RPL14: variants seen among roughly 807,000 people sequenced by gnomAD.
The protein encoded by RPL14 is large ribosomal subunit protein eL14.
A neutral mutation model predicts 25.3 loss-of-function variants in RPL14; 4 were observed. The ratio of observed to expected loss-of-function variants is 0.16; its 90% CI spans 0.08 to 0.36. The LOEUF (loss-of-function observed/expected upper bound fraction) is 0.36. Among genes scored for constraint, RPL14 ranks in the 10% least tolerant of loss-of-function variants. RPL14 has a pLI of 1.00. For synonymous variants in RPL14, 75 were observed against 89.8 expected, an observed-to-expected ratio of 0.84 and a Z score of 0.93; for missense variants, 212 against 261.9, an observed-to-expected ratio of 0.81 and a Z score of 1.31.
chr3:40,463,313 TCTC>T lies in RPL14; in HGVS notation c.*1084_*1086del, dbSNP rs1272072946. ...CCTCTGCCTCCTGGGCTCAAGCGGT[TCTC>T]CTGCTCAGCCTTCTGAGTAGTTGGG... On this transcript the variant is annotated 3_prime_UTR_variant, in exon 6 of 6. Transcript: ENST00000396203. The T allele has an allele frequency of 6.6e-6, 1 of 152,404 alleles. No individual in the cohort carries two copies. Among genetic ancestry groups the T allele is most frequent in the African/African-American group, 2.4e-5 (1 of 41,446 alleles). 9.4% of individuals were successfully genotyped at this position (152,404 alleles called of 1,614,324 possible). A position where few individuals can be genotyped will look rare whatever the true frequency, so the allele number is the denominator to read the frequency against.
rs1233108307 is a variant in RPL14, at chr3:40,462,416, G to C, written c.*184G>C. ...TTTTGAGATGGAGTCTCGTTCTGTT[G>C]CTCAGGCCGGACTGCAGTGGCGCTA... On this transcript the variant is annotated 3_prime_UTR_variant, in exon 6 of 6. Transcript: ENST00000396203. 3 of 589,516 alleles carry C rather than the reference G, an allele frequency of 5.1e-6. No individual in the cohort carries two copies. The South Asian group carries it at 7.6e-5, about 15-fold the overall frequency. The allele number at this position is 589,516 out of a possible 1,614,324, so 36.5% of individuals were successfully genotyped here. A position where few individuals can be genotyped will look rare whatever the true frequency, so the allele number is the denominator to read the frequency against.
Position 40,465,375 on chromosome 3 carries a change from TAGG to T in RPL14, c.*3146_*3148del, listed in dbSNP as rs1296751019. On this transcript the variant is annotated 3_prime_UTR_variant, in exon 6 of 6. Transcript: ENST00000396203. ...CAAATGCTTCTGGGAAAGGAGCTAA[TAGG>T]AGAGAAACTTAGCCCTTCGAAAAAC... 6 of 152,088 alleles carry T rather than the reference TAGG, an allele frequency of 3.9e-5. No individual in the cohort carries two copies. Among genetic ancestry groups the T allele is most frequent in the South Asian group, 4.1e-4 (2 of 4,824 alleles). The allele number at this position is 152,088 out of a possible 1,614,324, so 9.4% of individuals were successfully genotyped here.
chr3:40,457,970 A>G lies in RPL14; in HGVS notation c.84A>G (p.Val28=), dbSNP rs1696870430. 2 of 1,614,122 alleles carry G rather than the reference A, an allele frequency of 1.2e-6. No homozygotes were observed. Among genetic ancestry groups the G allele is most frequent in the African/African-American group, 2.7e-5 (2 of 75,038 alleles). The part of the protein sequence containing the change: ...GPHAGKLVAI[V]DVIDQNRALV... The stretch of plus-strand genomic sequence containing the variant: ...ATGCCGGAAAATTGGTCGCGATTGT[A>G]GATGTTATTGATCAGAACAGGGTAA... The change falls in exon 2 of 6, where the codon GTA becomes GTG. Residue 28 remains valine (V), a synonymous_variant. Coordinates refer to ENST00000396203, the MANE Select transcript of RPL14 (RefSeq NM_001034996.3).
In RPL14 at chr3:40,464,366, T is replaced by C. The variant is rs1260921388; in HGVS notation, c.*2134T>C. 4 of 428,094 alleles carry C rather than the reference T, an allele frequency of 9.3e-6. No individual in the cohort carries two copies. Among genetic ancestry groups the C allele is most frequent in the African/African-American group, 2.0e-5 (1 of 49,412 alleles). The allele number at this position is 428,094 out of a possible 1,614,324, so 26.5% of individuals were successfully genotyped here. ...TTTGCTTGATAATAGGCAAGTGGTA[T>C]GGTGTAATAAGGAAAATATGGATGA... On this transcript the variant is annotated 3_prime_UTR_variant, in exon 6 of 6. Coordinates refer to ENST00000396203, the MANE Select transcript of RPL14 (RefSeq NM_001034996.3).
In RPL14 at chr3:40,461,327, T is replaced by C. The variant is rs1696933686; in HGVS notation, c.201-80T>C. The C allele has an allele frequency of 2.7e-5, 33 of 1,207,292 alleles. No individual in the cohort carries two copies. The South Asian group carries it at 4.1e-4, about 15-fold the overall frequency. 74.8% of individuals were successfully genotyped at this position (1,207,292 alleles called of 1,614,324 possible). A position where few individuals can be genotyped will look rare whatever the true frequency, so the allele number is the denominator to read the frequency against. On this transcript the variant is annotated intron_variant, in intron 3 of 5. Transcript: ENST00000396203. ...GTGTTGTGTAACAGGAAGAGTGCTTTTCAAGGAACAAAGAAAGTGTCTTTG... is the reference window on the plus strand; with the variant it reads ...GTGTTGTGTAACAGGAAGAGTGCTTCTCAAGGAACAAAGAAAGTGTCTTTG...
chr3:40,468,007 T>C lies in RPL14; in HGVS notation c.*5775T>C, dbSNP rs1192239458. ...GGCTAATGTTTGTATTGTTAGTAGATACAGGGTTTCACCCTGTTAGCCAGG... is the reference window on the plus strand; with the variant it reads ...GGCTAATGTTTGTATTGTTAGTAGACACAGGGTTTCACCCTGTTAGCCAGG... On this transcript the variant is annotated 3_prime_UTR_variant, in exon 6 of 6. Coordinates refer to ENST00000396203, the MANE Select transcript of RPL14 (RefSeq NM_001034996.3). 1 of 152,168 alleles carries C rather than the reference T, an allele frequency of 6.6e-6. No homozygotes were observed. Among genetic ancestry groups the C allele is most frequent in the Non-Finnish European group, 1.5e-5 (1 of 68,054 alleles). 9.4% of individuals were successfully genotyped at this position (152,168 alleles called of 1,614,324 possible). A position where few individuals can be genotyped will look rare whatever the true frequency, so the allele number is the denominator to read the frequency against.
rs1696997672 is a variant in RPL14 at position 40,464,411 on chromosome 3, C to T, written c.*2179C>T. On this transcript the variant is annotated 3_prime_UTR_variant, in exon 6 of 6. Transcript: ENST00000396203. ...GGATGATTTCGGATTACCTGTTCTA[C>T]TCTGGGAGGTAGAGAATTGTCTAGA... is the stretch of plus-strand genomic sequence containing the variant. 2 of 454,326 alleles carry T rather than the reference C, an allele frequency of 4.4e-6. No homozygotes were observed. Among genetic ancestry groups the T allele is most frequent in the Admixed American group, 2.4e-5 (1 of 42,530 alleles). 28.1% of individuals were successfully genotyped at this position (454,326 alleles called of 1,614,324 possible).
At chr3:40,460,886 G>A (rs1696927269) in intron 3 of RPL14, among the ~76,000 whole-genome samples, 1 of 150,930 alleles carries the variant, frequency 6.6e-6, no homozygotes, top group African/African-American at 2.4e-5. Context: ...CTGGTCAAGA[G>A]GTAGTTTTTA....
Position 40,466,640 on chromosome 3 carries a change from A to C in RPL14, c.*4408A>C, listed in dbSNP as rs569706395. On this transcript the variant is annotated 3_prime_UTR_variant, in exon 6 of 6. Coordinates refer to ENST00000396203, the MANE Select transcript of RPL14 (RefSeq NM_001034996.3). ...TCATCTAAAAAGCAAGGATCCTGAT[A>C]CCTGCCTCATATTGTGGCAAGGATC... 1.3e-4 allele frequency: 20 copies of C among 152,302 alleles called. No individual in the cohort carries two copies. Among genetic ancestry groups the C allele is most frequent in the African/African-American group, 4.3e-4 (18 of 41,558 alleles). 9.4% of individuals were successfully genotyped at this position (152,302 alleles called of 1,614,324 possible).
In RPL14 at chr3:40,466,972, CTA is replaced by C. The variant is rs1197695032; in HGVS notation, c.*4741_*4742del. 1 of 150,664 alleles carries C rather than the reference CTA, an allele frequency of 6.6e-6. No individual in the cohort carries two copies. Among genetic ancestry groups the C allele is most frequent in the East Asian group, 1.9e-4 (1 of 5,140 alleles). The allele number at this position is 150,664 out of a possible 1,614,324, so 9.3% of individuals were successfully genotyped here. A position where few individuals can be genotyped will look rare whatever the true frequency, so the allele number is the denominator to read the frequency against. On this transcript the variant is annotated 3_prime_UTR_variant, in exon 6 of 6. Coordinates refer to ENST00000396203, the MANE Select transcript of RPL14 (RefSeq NM_001034996.3). ...TAGCTAGCTGATTTTTTTTTTTAAT[CTA>C]GGCTAAATCATGAATACATTTACAT... is the stretch of plus-strand genomic sequence containing the variant.
chr3:40,467,765 T>C lies in RPL14; in HGVS notation c.*5533T>C, dbSNP rs905390617. The C allele has an allele frequency of 3.3e-5, 5 of 152,158 alleles. No individual in the cohort carries two copies. The highest frequency in any genetic ancestry group is 1.2e-4 in the African/African-American group (5 of 41,418). The allele number at this position is 152,158 out of a possible 1,614,324, so 9.4% of individuals were successfully genotyped here. A position where few individuals can be genotyped will look rare whatever the true frequency, so the allele number is the denominator to read the frequency against. On this transcript the variant is annotated 3_prime_UTR_variant, in exon 6 of 6. Transcript: ENST00000396203. ...AATGTTCACGTTTGACCTCTATTGA[T>C]AGACATTTCGGATGATGCCAATTTC...
intron 1 of RPL14, 54 bp downstream of exon 1, chr3:40,457,528 G>A: frequency 2.1e-6 from 3 of 1,404,422 alleles, no homozygotes; most frequent in Non-Finnish European, 2.9e-6. Flanking sequence ...CCGGACTCGC[G>A]CCCTTCCCGG....
At position 40,464,808 on chromosome 3, in the gene RPL14, T is replaced by C; in HGVS notation, c.*2576T>C. On this transcript the variant is annotated 3_prime_UTR_variant, in exon 6 of 6. Transcript: ENST00000396203. ...GAAAACAATGTGTCAGGGTTTCTGG[T>C]TTGTACCTCTGGTTCATTGGTTGTG... 1 of 228,642 alleles carries C rather than the reference T, an allele frequency of 4.4e-6. No homozygotes were observed. The allele number at this position is 228,642 out of a possible 1,614,324, so 14.2% of individuals were successfully genotyped here. A position where few individuals can be genotyped will look rare whatever the true frequency, so the allele number is the denominator to read the frequency against.
chr3:40,461,074 T>C (rs769207431), intron 3 of RPL14, among the ~76,000 whole-genome samples: 4 of 152,032 alleles, frequency 2.6e-5, no homozygotes, highest in Non-Finnish European at 5.9e-5. Context: ...TATGCACCTG[T>C]AGTCCCAGCT....
intron 2 of RPL14, chr3:40,458,241 TAC>T: frequency 1.8e-6 from 1 of 565,970 alleles, no homozygotes; most frequent in Non-Finnish European, 3.1e-6. Flanking sequence ...TTAAATGAGT[TAC>T]TATACGTAAA....
In RPL14 at chr3:40,466,307, T is replaced by C. The variant is rs2125627575; in HGVS notation, c.*4075T>C. ...AAAATTATTGAAATATCCAGGTGCA[T>C]AAAAGTCTACTTTGATTATGGAGAA... On this transcript the variant is annotated 3_prime_UTR_variant, in exon 6 of 6. Coordinates refer to ENST00000396203, the MANE Select transcript of RPL14 (RefSeq NM_001034996.3). 1 of 152,116 alleles carries C rather than the reference T, an allele frequency of 6.6e-6. No individual in the cohort carries two copies. The highest frequency in any genetic ancestry group is 2.4e-5 in the African/African-American group (1 of 41,486). The allele number at this position is 152,116 out of a possible 1,614,324, so 9.4% of individuals were successfully genotyped here.
At position 40,461,460 on chromosome 3, in the gene RPL14, A is replaced by G. The variant is rs1397047823; in HGVS notation, c.254A>G (p.Lys85Arg). Residue 85 changes from lysine to arginine, a missense_variant, in exon 4 of 6, where the codon AAA becomes AGA. Around this residue, in one of 3 missense-constraint regions of RPL14, gnomAD observed 143 missense variants for 180.3 expected, o/e 0.79. Transcript: ENST00000396203. ...TGGCAGAAGGCAGACATCAATACAA[A>G]ATGGGCAGCCACACGATGGGCCAAG... Reference protein sequence around the residue: ...QAWQKADINTKWAATRWAKKI... With the variant: ...QAWQKADINTRWAATRWAKKI... The G allele has an allele frequency of 6.2e-7, 1 of 1,614,180 alleles. No homozygotes were observed. Among genetic ancestry groups the G allele is most frequent in the South Asian group, 1.1e-5 (1 of 91,080 alleles).
chr3:40,464,744 G>A lies in RPL14; in HGVS notation c.*2512G>A, dbSNP rs1334129079. ...GAAGTGACAGTGGTAATGCCATTTA[G>A]GTGGTCTTGATCATGCATTGGACTG... On this transcript the variant is annotated 3_prime_UTR_variant, in exon 6 of 6. Transcript: ENST00000396203. 1 of 305,626 alleles carries A rather than the reference G, an allele frequency of 3.3e-6. No individual in the cohort carries two copies. Among genetic ancestry groups the A allele is most frequent in the East Asian group, 7.8e-5 (1 of 12,800 alleles). 18.9% of individuals were successfully genotyped at this position (305,626 alleles called of 1,614,324 possible). A position where few individuals can be genotyped will look rare whatever the true frequency, so the allele number is the denominator to read the frequency against.
Position 40,462,325 on chromosome 3 carries a change from G to A in RPL14, c.*93G>A, listed in dbSNP as rs995532971. On this transcript the variant is annotated 3_prime_UTR_variant, in exon 6 of 6. Coordinates refer to ENST00000396203, the MANE Select transcript of RPL14 (RefSeq NM_001034996.3). ...TTAAAGCCTGTTGAGGCTGGAGTTA[G>A]GAGGCAGATTGATAGTAGGATTATA... 3.3e-6 allele frequency: 4 copies of A among 1,230,556 alleles called. No individual in the cohort carries two copies. The African/African-American group carries it at 4.6e-5, about 14-fold the overall frequency. The allele number at this position is 1,230,556 out of a possible 1,614,324, so 76.2% of individuals were successfully genotyped here.
Sources: allele counts gnomAD v4.1 joint callset (sites outside exome capture counted in the v4.1 genomes callset), GRCh38; gene constraint gnomAD v4.1.1; regional missense constraint gnomAD v4.1.1; transcripts MANE v1.5; gene names NCBI Gene and HGNC (gene_info 2026-07-23, HGNC 2026-07-21).